The following BLNK variants were observed in gnomAD, a reference collection of about 807,000 sequenced individuals.
BLNK encodes B-cell linker protein.
In BLNK, 29 loss-of-function variants were observed where a neutral mutation model predicts 73.5. The ratio of observed to expected loss-of-function variants is 0.39; its 90% CI spans 0.29 to 0.54. The LOEUF is 0.54. Ranked by LOEUF, BLNK falls within the 20% of genes least tolerant of loss-of-function variation. The probability of loss-of-function intolerance (pLI) is 0.61; values close to 1 mark genes in which losing one functional copy is unlikely to be tolerated. For synonymous variants in BLNK, 176 were observed against 200.8 expected (o/e 0.88, Z 1.04); for missense variants, 460 against 562.8 (o/e 0.82, Z 1.85).
intron 8 of BLNK, among the ~76,000 whole-genome samples, chr10:96,211,579 G>A (rs1421191824): frequency 6.6e-6 from 1 of 152,202 alleles, no homozygotes; most frequent in African/African-American, 2.4e-5. Context: ...CCTCAAGGAT[G>A]GGAGCAACAG....
chr10:96,198,855 C>A (rs1554895321), intron 15 of BLNK, among the ~76,000 whole-genome samples: 1 of 152,154 alleles, frequency 6.6e-6, no homozygotes, highest in African/African-American at 2.4e-5. Context: ...CCCGCCATCA[C>A]GCCTGGCTAA....
intron 16 of BLNK, 53 bp downstream of exon 16, chr10:96,196,855 T>G: frequency 6.4e-7 from 1 of 1,551,164 alleles, no homozygotes; most frequent in South Asian, 1.1e-5. Context: ...GTATTTGATG[T>G]CATTATACTC....
chr10:96,215,746 G>A (rs1455105627), intron 7 of BLNK: 4 of 208,604 alleles, frequency 1.9e-5, no homozygotes, highest in Non-Finnish European at 2.8e-5. Flanking sequence ...AGAGTGTATT[G>A]AACCCCTTAC....
rs781784314 is a variant in BLNK, at chr10:96,206,995, A to G, written c.817+16T>C. 3.7e-6 allele frequency: 6 copies of G among 1,612,686 alleles called. No homozygotes were observed. In the South Asian group the frequency reaches 5.5e-5, roughly 15 times the overall value. ...TTTTAGAGGACATGCTCATCCTTCAAAATAATAGATTTTACCTTCACAAAC... is the reference window on the plus strand; with the variant it reads ...TTTTAGAGGACATGCTCATCCTTCAGAATAATAGATTTTACCTTCACAAAC... On this transcript the variant is annotated intron_variant, in intron 11 of 16. Coordinates refer to ENST00000224337, the MANE Select transcript of BLNK (RefSeq NM_013314.4).
chr10:96,223,391 A>T (rs1453236996), intron 6 of BLNK, among the ~76,000 whole-genome samples: 1 of 152,240 alleles, frequency 6.6e-6, no homozygotes, highest in African/African-American at 2.4e-5. Flanking sequence ...ACTTCTTTTC[A>T]TTCCTGCTCT....
chr10:96,203,251 T>A (rs1214053200), intron 13 of BLNK, among the ~76,000 whole-genome samples: 1 of 152,184 alleles, frequency 6.6e-6, no homozygotes, highest in African/African-American at 2.4e-5. Context: ...AAAAATAAAT[T>A]TCTGTAGCCA....
chr10:96,196,821 T>G, intron 16 of BLNK, 87 bp downstream of exon 16: 1 of 1,332,998 alleles, frequency 7.5e-7, no homozygotes, highest in South Asian at 1.2e-5. Flanking sequence ...GTATCCTTTC[T>G]CCTCATCTCT....
At chr10:96,206,471 C>T (rs2083810558) in intron 11 of BLNK, among the ~76,000 whole-genome samples, 2 of 150,682 alleles carry the variant, frequency 1.3e-5, no homozygotes, top group African/African-American at 4.9e-5. Context: ...ACAACTTGAG[C>T]CCAGGAATTT....
At chr10:96,226,416 A>G (rs587767015) in intron 5 of BLNK, among the ~76,000 whole-genome samples, 1 of 152,326 alleles carries the variant, frequency 6.6e-6, no homozygotes, top group East Asian at 1.9e-4. Flanking sequence ...GGTTAATGGC[A>G]GTGAGATATT....
chr10:96,247,565 T>G (rs1843099483), intron 1 of BLNK, among the ~76,000 whole-genome samples: 1 of 152,218 alleles, frequency 6.6e-6, no homozygotes, highest in East Asian at 1.9e-4. Context: ...GAATAGGGTC[T>G]GGAGTCAGGG....
chr10:96,266,773 A>G (rs188197291), intron 1 of BLNK, among the ~76,000 whole-genome samples: 68 of 152,336 alleles, frequency 4.5e-4, no homozygotes, highest in Admixed American at 2.2e-3. Context: ...CACCCCAGTT[A>G]AAAGGAGTTG....
In BLNK at chr10:96,190,789, G is replaced by T. The variant is rs1318872409; in HGVS notation, c.*1184C>A. ...ATGACAAAGTATGATACATTTCTGGGATGATCTAAGACCTTGGACCTGATT... is the reference window on the plus strand; with the variant it reads ...ATGACAAAGTATGATACATTTCTGGTATGATCTAAGACCTTGGACCTGATT... On this transcript the variant is annotated 3_prime_UTR_variant, in exon 17 of 17. Coordinates refer to ENST00000224337, the MANE Select transcript of BLNK (RefSeq NM_013314.4). 6.6e-6 allele frequency among the ~76,000 whole-genome samples: 1 copy of T among 152,176 alleles called. No homozygotes were observed. The highest frequency in any genetic ancestry group is 2.4e-5 in the African/African-American group (1 of 41,440).
At chr10:96,267,541 A>G (rs1454712126) in intron 1 of BLNK, among the ~76,000 whole-genome samples, 1 of 152,204 alleles carries the variant, frequency 6.6e-6, no homozygotes, top group Non-Finnish European at 1.5e-5. Context: ...AAAACTCCAA[A>G]CCCTGAGAAG....
intron 1 of BLNK, among the ~76,000 whole-genome samples, chr10:96,257,295 G>T (rs77500175): frequency 1.3e-5 from 2 of 152,156 alleles, no homozygotes; most frequent in Non-Finnish European, 2.9e-5. Flanking sequence ...TTTCCTCGGG[G>T]TGTGTCATGA....
intron 1 of BLNK, among the ~76,000 whole-genome samples, chr10:96,254,408 C>T (rs1554910315): frequency 6.6e-6 from 1 of 152,224 alleles, no homozygotes; most frequent in African/African-American, 2.4e-5. Context: ...TGCTTCCAGC[C>T]TGCCTGCCTT....
chr10:96,268,573 C>T (rs1844118674), intron 1 of BLNK, among the ~76,000 whole-genome samples: 1 of 152,154 alleles, frequency 6.6e-6, no homozygotes, highest in South Asian at 2.1e-4. Context: ...GCCATCTCAC[C>T]TATCTCTATT....
At chr10:96,209,366 T>G (rs1390752102) in intron 9 of BLNK, among the ~76,000 whole-genome samples, 1 of 148,784 alleles carries the variant, frequency 6.7e-6, no homozygotes, top group Non-Finnish European at 1.5e-5. Context: ...GAGGAAATAC[T>G]TCTAGATTTA....
chr10:96,221,441 T>C (rs938374782), intron 6 of BLNK, among the ~76,000 whole-genome samples: 1 of 152,246 alleles, frequency 6.6e-6, no homozygotes, highest in Non-Finnish European at 1.5e-5. Flanking sequence ...TATCTTAATG[T>C]TGGCTTCTGT....
At chr10:96,199,682 A>T (rs868927822) in intron 15 of BLNK, 3 of 374,606 alleles carry the variant, frequency 8.0e-6, no homozygotes, top group Middle Eastern at 6.6e-4. Context: ...AAGGACGACA[A>T]CTGTGTCTAT....
Sources: allele counts gnomAD v4.1 joint callset (sites outside exome capture counted in the v4.1 genomes callset), GRCh38; gene constraint gnomAD v4.1.1; transcripts MANE v1.5; gene names NCBI Gene and HGNC (gene_info 2026-07-23, HGNC 2026-07-21).